Variants in ILKAP observed in about 807,000 individuals in gnomAD.
ILKAP encodes the protein ILK associated serine/threonine phosphatase, also known as integrin-linked kinase-associated serine/threonine phosphatase 2C.
Under a neutral mutation model 49.1 loss-of-function variants are expected in ILKAP, and 11 were observed. The observed-to-expected ratio is 0.22, with a 90% CI of 0.14 to 0.37. The LOEUF (loss-of-function observed/expected upper bound fraction) is 0.37. Among genes scored for constraint, ILKAP ranks in the 10% least tolerant of loss-of-function variants. ILKAP has a pLI of 1.00. For synonymous variants in ILKAP, 186 were observed against 192.8 expected, an observed-to-expected ratio of 0.96 and a Z score of 0.29; for missense variants, 363 against 510.8, an observed-to-expected ratio of 0.71 and a Z score of 2.79.
At chr2:238,172,391 T>C (rs1693261985) in intron 10 of ILKAP, among the ~76,000 whole-genome samples, 1 of 152,202 alleles carries the variant, frequency 6.6e-6, no homozygotes, top group Admixed American at 6.5e-5. Context: ...CGGCCGCTAC[T>C]TGCCGAGCCT....
At chr2:238,186,719 A>C (rs919603878) in intron 5 of ILKAP, 3 of 152,170 alleles carry the variant, frequency 2.0e-5, no homozygotes, top group Non-Finnish European at 4.4e-5. Flanking sequence ...AAAAAAAAAA[A>C]ACAAAAATGC....
At chr2:238,189,344 A>G (rs1694029705) in intron 4 of ILKAP, among the ~76,000 whole-genome samples, 2 of 152,196 alleles carry the variant, frequency 1.3e-5, no homozygotes, top group African/African-American at 4.8e-5. Flanking sequence ...CCCACAGCTC[A>G]AGAATACTTT....
intron 1 of ILKAP, among the ~76,000 whole-genome samples, chr2:238,202,443 T>A (rs1559304400): frequency 6.6e-6 from 1 of 152,142 alleles, no homozygotes; most frequent in Non-Finnish European, 1.5e-5. Flanking sequence ...AAGCGAAGGC[T>A]GGGCCTTACT....
intron 1 of ILKAP, among the ~76,000 whole-genome samples, chr2:238,203,007 T>C (rs1559304784): frequency 2.0e-5 from 3 of 151,978 alleles, no homozygotes. Context: ...CAATCTCCAG[T>C]GCAAATAAAA....
chr2:238,179,289 A>G (rs1428592973), intron 9 of ILKAP, among the ~76,000 whole-genome samples: 1 of 152,230 alleles, frequency 6.6e-6, no homozygotes, highest in Non-Finnish European at 1.5e-5. Flanking sequence ...GGAAAGAAGC[A>G]GAGGAGTGAA....
rs555471580 is a variant in ILKAP, at chr2:238,172,624, C to T, written c.956+910G>A. Among the ~76,000 whole-genome samples the T allele has an allele frequency of 2.0e-4, 31 of 152,324 alleles. No individual in the cohort carries two copies. The Middle Eastern group carries it at 0.014, about 67-fold the overall frequency. Reference sequence around the variant, plus strand: ...CCGCGGTACGTGAGAACATGACAAACACACTGAAGAAGATGTGGAGAATGG... The same window carrying T: ...CCGCGGTACGTGAGAACATGACAAATACACTGAAGAAGATGTGGAGAATGG... On this transcript the variant is annotated intron_variant, in intron 10 of 11. Transcript: ENST00000254654.
chr2:238,170,528 G>C lies in ILKAP; in HGVS notation c.*8C>G. On this transcript the variant is annotated 3_prime_UTR_variant, in exon 12 of 12. Transcript: ENST00000254654. Reference sequence around the variant, plus strand: ...ATACCATGCGTGCTCCTGGCCGCGCGCCACCCCTCAGTGCCCTATCCGCAC... The same window carrying C: ...ATACCATGCGTGCTCCTGGCCGCGCCCCACCCCTCAGTGCCCTATCCGCAC... 6.3e-7 allele frequency: 1 copy of C among 1,583,648 alleles called. No individual in the cohort carries two copies. The highest frequency in any genetic ancestry group is 8.6e-7 in the Non-Finnish European group (1 of 1,159,774).
intron 1 of ILKAP, among the ~76,000 whole-genome samples, chr2:238,197,128 G>A (rs148204577): frequency 2.8e-4 from 42 of 152,296 alleles, no homozygotes; most frequent in African/African-American, 8.7e-4. Flanking sequence ...CCTGGGAGGC[G>A]GAGGTTGCGG....
At chr2:238,192,441 T>C (rs1484114752) in intron 3 of ILKAP, among the ~76,000 whole-genome samples, 3 of 151,986 alleles carry the variant, frequency 2.0e-5, no homozygotes, top group African/African-American at 7.3e-5. Flanking sequence ...CGCTCACACC[T>C]GTCATCCCAG....
At chr2:238,197,185 G>A in intron 1 of ILKAP, among the ~76,000 whole-genome samples, 1 of 152,214 alleles carries the variant, frequency 6.6e-6, no homozygotes, top group East Asian at 1.9e-4. Flanking sequence ...GACAAAACCA[G>A]ACTCTGTCCC....
chr2:238,194,357 A>G (rs1694262706), intron 2 of ILKAP, 26 bp from the exon 3 acceptor site: 1 of 1,610,560 alleles, frequency 6.2e-7, no homozygotes, highest in Non-Finnish European at 8.5e-7. Flanking sequence ...ACACTTAGTG[A>G]GCCCACAAAA....
chr2:238,176,696 G>C (rs10174830), intron 9 of ILKAP, among the ~76,000 whole-genome samples: 3 of 152,250 alleles, frequency 2.0e-5, no homozygotes, highest in African/African-American at 7.2e-5. Context: ...GTGAGACTGA[G>C]ACATCCTACT....
At position 238,184,189 on chromosome 2, in the gene ILKAP, GTTTT is replaced by G. The variant is rs1362819159; in HGVS notation, c.533-80_533-77del. 4.5e-6 allele frequency: 4 copies of G among 884,572 alleles called. No individual in the cohort carries two copies. In the East Asian group the frequency reaches 7.3e-5, roughly 16 times the overall value. 54.8% of individuals were successfully genotyped at this position (884,572 alleles called of 1,614,324 possible). ...CCTCCTCCCACTGTCATTTTGGTTT[GTTTT>G]TTGTTTTATTTTTTTGAGACGGAGT... On this transcript the variant is annotated intron_variant, in intron 6 of 11. Coordinates refer to ENST00000254654, the MANE Select transcript of ILKAP (RefSeq NM_030768.3).
At chr2:238,176,159 A>T (rs1244710468) in intron 9 of ILKAP, among the ~76,000 whole-genome samples, 2 of 99,454 alleles carry the variant, frequency 2.0e-5, no homozygotes, top group East Asian at 3.6e-4. Flanking sequence ...TTTGAGACAG[A>T]GTCTCACTCT....
chr2:238,181,298 C>T (rs6729088), intron 9 of ILKAP, among the ~76,000 whole-genome samples: 112,427 of 152,104 alleles, frequency 0.74, 41,918 homozygotes, highest in Middle Eastern at 0.87. Flanking sequence ...AACTGTACAA[C>T]AAACCAGAAA....
At position 238,186,643 on chromosome 2, in the gene ILKAP, C is replaced by T. The variant is rs1419850618; in HGVS notation, c.426-1356G>A. The stretch of plus-strand genomic sequence containing the variant: ...ATCTTACTACTCTTATTCCCATTCC[C>T]CTTTCAAATTTTGCCAGAAAACCCA... On this transcript the variant is annotated intron_variant, in intron 5 of 11. Coordinates refer to ENST00000254654, the MANE Select transcript of ILKAP (RefSeq NM_030768.3). 3.3e-5 allele frequency: 5 copies of T among 151,924 alleles called. No homozygotes were observed. The East Asian group carries it at 9.6e-4, about 29-fold the overall frequency. 9.4% of individuals were successfully genotyped at this position (151,924 alleles called of 1,614,324 possible).
chr2:238,184,546 C>T (rs374990513), intron 6 of ILKAP, among the ~76,000 whole-genome samples: 1 of 151,900 alleles, frequency 6.6e-6, no homozygotes, highest in East Asian at 1.9e-4. Flanking sequence ...AGAACAATCC[C>T]TATTTCTTTC....
intron 8 of ILKAP, 119 bp downstream of exon 8, chr2:238,183,534 C>T (rs1033604739): frequency 1.4e-6 from 1 of 733,108 alleles, no homozygotes; most frequent in African/African-American, 1.8e-5. Context: ...CTGCAGCAAC[C>T]CCAGAAGAAA....
chr2:238,178,503 G>C (rs771673814), intron 9 of ILKAP, among the ~76,000 whole-genome samples: 3 of 152,182 alleles, frequency 2.0e-5, no homozygotes, highest in African/African-American at 7.2e-5. Flanking sequence ...TGATAATTTT[G>C]ATACTATGAA....
Sources: allele counts gnomAD v4.1 joint callset (sites outside exome capture counted in the v4.1 genomes callset), GRCh38; gene constraint gnomAD v4.1.1; transcripts MANE v1.5; gene names NCBI Gene and HGNC (gene_info 2026-07-23, HGNC 2026-07-21).